Variants in MANBA observed in about 807,000 individuals in gnomAD.
MANBA encodes mannosidase beta, also known as beta-mannosidase.
In MANBA, 83 loss-of-function variants were observed where a neutral mutation model predicts 111.1. That is an observed-to-expected ratio of 0.75 (90% CI 0.63 to 0.90). The LOEUF is 0.90. Among genes scored for constraint, MANBA ranks in the 40% least tolerant of loss-of-function variants. MANBA has a pLI of 0.00. For missense variants in MANBA, 1,036 were observed against 1,069.0 expected (o/e 0.97, Z 0.43); for synonymous variants, 370 against 378.7 (o/e 0.98, Z 0.27).
At chr4:102,643,061 G>A (rs1729951101) in intron 13 of MANBA, among the ~76,000 whole-genome samples, 1 of 152,014 alleles carries the variant, frequency 6.6e-6, no homozygotes. Flanking sequence ...TCTAATTCCA[G>A]AATATTTTCA....
intron 4 of MANBA, among the ~76,000 whole-genome samples, chr4:102,716,309 C>CAAAAAAA (rs56345161): frequency 5.1e-5 from 2 of 39,110 alleles, no homozygotes; most frequent in Non-Finnish European, 1.0e-4. Context: ...AACTCAGTCT[C>CAAAAAAA]AAAAAAAAAA....
At position 102,723,931 on chromosome 4, in the gene MANBA, C is replaced by T. The variant is rs372371751; in HGVS notation, c.309G>A (p.Val103=). 16 of 1,610,836 alleles carry T rather than the reference C, an allele frequency of 9.9e-6. No homozygotes were observed. Among genetic ancestry groups the T allele is most frequent in the African/African-American group, 1.3e-5 (1 of 74,684 alleles). Residue 103 remains valine (V), a synonymous_variant, in exon 3 of 17, where the codon GTG becomes GTA. Transcript: ENST00000647097. ...WQKVNLILEG[V]DTVSKILFNE... The stretch of plus-strand genomic sequence containing the variant: ...TGAACAGGATTTTTGAAACCGTATC[C>T]ACTCCCTCAAGAATCAAATTTACTT...
chr4:102,685,334 C>A (rs928036640), intron 7 of MANBA, among the ~76,000 whole-genome samples: 3 of 151,940 alleles, frequency 2.0e-5, no homozygotes, highest in Admixed American at 2.0e-4. Context: ...GTTGTTTGAC[C>A]AAAACTCCCT....
chr4:102,733,455 G>A (rs1051302279), intron 1 of MANBA, among the ~76,000 whole-genome samples: 2 of 151,642 alleles, frequency 1.3e-5, no homozygotes, highest in Non-Finnish European at 2.9e-5. Flanking sequence ...CGGGGCTCAA[G>A]CAACCCTCCC....
At chr4:102,641,655 C>A (rs1298543960) in intron 13 of MANBA, among the ~76,000 whole-genome samples, 1 of 151,996 alleles carries the variant, frequency 6.6e-6, no homozygotes, top group African/African-American at 2.4e-5. Flanking sequence ...TGACCATGGC[C>A]CCTATAAACA....
chr4:102,680,007 C>A (rs1235189223), intron 7 of MANBA, among the ~76,000 whole-genome samples: 5 of 151,910 alleles, frequency 3.3e-5, no homozygotes, highest in African/African-American at 1.2e-4. Flanking sequence ...AACACAGATA[C>A]TATTTGATTA....
intron 15 of MANBA, among the ~76,000 whole-genome samples, chr4:102,635,529 G>T (rs915358836): frequency 6.6e-6 from 1 of 151,920 alleles, no homozygotes; most frequent in Non-Finnish European, 1.5e-5. Context: ...ATAAAGTTTG[G>T]ACTATTTCCA....
At chr4:102,659,608 T>C (rs553389119) in intron 11 of MANBA, among the ~76,000 whole-genome samples, 1 of 152,258 alleles carries the variant, frequency 6.6e-6, no homozygotes, top group African/African-American at 2.4e-5. Context: ...TTTATCCTAA[T>C]AAAAAGTCCC....
At chr4:102,654,389 C>T (rs527992230) in intron 12 of MANBA, among the ~76,000 whole-genome samples, 10 of 151,928 alleles carry the variant, frequency 6.6e-5, no homozygotes, top group East Asian at 1.9e-4. Context: ...TACAATTTTT[C>T]GTTAATTAAT....
At chr4:102,709,343 G>GAAGA (rs1721927399) in intron 5 of MANBA, among the ~76,000 whole-genome samples, 1 of 140,644 alleles carries the variant, frequency 7.1e-6, no homozygotes, top group Non-Finnish European at 1.5e-5. Flanking sequence ...AGGAAGGAAG[G>GAAGA]AAGGAAGGAA....
chr4:102,703,393 G>T (rs934713134), intron 5 of MANBA, among the ~76,000 whole-genome samples: 4 of 152,186 alleles, frequency 2.6e-5, no homozygotes, highest in African/African-American at 9.7e-5. Context: ...TCAGTTCATG[G>T]TTTGACTCTG....
At chr4:102,636,543 G>A (rs868400018) in intron 14 of MANBA, among the ~76,000 whole-genome samples, 24 of 152,276 alleles carry the variant, frequency 1.6e-4, no homozygotes, top group Middle Eastern at 3.4e-3. Flanking sequence ...GCTATTGATT[G>A]CTTTAATATA....
chr4:102,753,497 G>A (rs189377075), intron 1 of MANBA, among the ~76,000 whole-genome samples: 4 of 152,010 alleles, frequency 2.6e-5, no homozygotes, highest in African/African-American at 4.8e-5. Flanking sequence ...ATATATCAGC[G>A]GACAAAAGAG....
intron 7 of MANBA, among the ~76,000 whole-genome samples, chr4:102,680,183 T>A (rs1044317240): frequency 2.6e-5 from 4 of 152,200 alleles, no homozygotes; most frequent in African/African-American, 9.6e-5. Context: ...GATTTCCTTA[T>A]ATTTTGTTGT....
chr4:102,710,635 T>C (rs1722018134), intron 5 of MANBA, among the ~76,000 whole-genome samples: 1 of 151,766 alleles, frequency 6.6e-6, no homozygotes, highest in Non-Finnish European at 1.5e-5. Context: ...AATACCAAAG[T>C]CACTTTGTAC....
chr4:102,722,711 T>C (rs1722632492), intron 4 of MANBA, 160 bp downstream of exon 4: 2 of 717,502 alleles, frequency 2.8e-6, no homozygotes, highest in Non-Finnish European at 4.8e-6. Flanking sequence ...ATATTTCAAA[T>C]AATCTTTTGG....
At chr4:102,681,772 A>G (rs1264517473) in intron 7 of MANBA, among the ~76,000 whole-genome samples, 1 of 152,244 alleles carries the variant, frequency 6.6e-6, no homozygotes, top group Non-Finnish European at 1.5e-5. Context: ...AGCTCATACA[A>G]TTCCAAACTG....
chr4:102,703,870 T>C (rs1020537044), intron 5 of MANBA, among the ~76,000 whole-genome samples: 2 of 151,822 alleles, frequency 1.3e-5, no homozygotes, highest in Non-Finnish European at 2.9e-5. Context: ...CTGAGGCGGG[T>C]GGATCACAAG....
intron 13 of MANBA, among the ~76,000 whole-genome samples, chr4:102,642,431 C>G (rs1259005814): frequency 6.6e-6 from 1 of 152,084 alleles, no homozygotes; most frequent in Non-Finnish European, 1.5e-5. Flanking sequence ...CACGGTGAAA[C>G]CCCGTCTCTA....
Sources: allele counts gnomAD v4.1 joint callset (sites outside exome capture counted in the v4.1 genomes callset), GRCh38; gene constraint gnomAD v4.1.1; transcripts MANE v1.5; gene names NCBI Gene and HGNC (gene_info 2026-07-23, HGNC 2026-07-21).